MND1: variants seen among roughly 807,000 people sequenced by gnomAD.
MND1 encodes meiotic nuclear division protein 1 homolog.
In MND1, 28 loss-of-function variants were observed where a neutral mutation model predicts 35.1. The observed-to-expected ratio is 0.80, with a 90% confidence interval of 0.59 to 1.09. The LOEUF (loss-of-function observed/expected upper bound fraction) is 1.09. Ranked by LOEUF, MND1 falls within the 50% of genes least tolerant of loss-of-function variation. MND1 has a pLI of 0.00. For missense variants in MND1, 213 were observed against 239.6 expected (o/e 0.89, Z 0.73); for synonymous variants, 69 against 70.5 (o/e 0.98, Z 0.11).
At chr4:153,349,982 A>G in intron 1 of MND1, 82 bp from the exon 2 acceptor site, 1 of 965,710 alleles carries the variant, frequency 1.0e-6, no homozygotes, top group Non-Finnish European at 1.6e-6. Flanking sequence ...AAGACCATGC[A>G]TAAAATTTCA....
chr4:153,374,409 G>A (rs1012795156), intron 4 of MND1, among the ~76,000 whole-genome samples: 2 of 152,136 alleles, frequency 1.3e-5, no homozygotes, highest in Non-Finnish European at 2.9e-5. Context: ...TGAGTGAAAA[G>A]TAATACATGC....
intron 4 of MND1, among the ~76,000 whole-genome samples, chr4:153,365,182 C>T (rs953961754): frequency 7.3e-5 from 11 of 151,566 alleles, no homozygotes; most frequent in Non-Finnish European, 1.3e-4. Context: ...GGTCACGTGT[C>T]CACACTCTAG....
At chr4:153,404,174 C>CTTTTTTTT (rs71598277) in intron 6 of MND1, among the ~76,000 whole-genome samples, 1 of 73,786 alleles carries the variant, frequency 1.4e-5, no homozygotes, top group Non-Finnish European at 2.5e-5. Context: ...AAAATTGGTT[C>CTTTTTTTT]TTTTTTTTTT....
intron 6 of MND1, among the ~76,000 whole-genome samples, chr4:153,405,987 T>C (rs2149658578): frequency 6.6e-6 from 1 of 151,912 alleles, no homozygotes; most frequent in East Asian, 2.0e-4. Context: ...ACATTTTTAG[T>C]AGAGAGGGAG....
chr4:153,406,200 A>G (rs1260877670), intron 6 of MND1, among the ~76,000 whole-genome samples: 1 of 152,130 alleles, frequency 6.6e-6, no homozygotes, highest in Non-Finnish European at 1.5e-5. Context: ...GACTTCATCA[A>G]AGTTAAAAAG....
chr4:153,393,499 T>A (rs574671285), intron 4 of MND1, among the ~76,000 whole-genome samples: 38 of 151,800 alleles, frequency 2.5e-4, no homozygotes, highest in African/African-American at 9.2e-4. Flanking sequence ...ACACCTCAGC[T>A]TCCCGAGTAG....
At chr4:153,365,242 G>A (rs115774435) in intron 4 of MND1, among the ~76,000 whole-genome samples, 86 of 152,344 alleles carry the variant, frequency 5.6e-4, no homozygotes, top group African/African-American at 2.0e-3. Flanking sequence ...AGATTTTGTA[G>A]TAGGAGTTAG....
intron 4 of MND1, among the ~76,000 whole-genome samples, chr4:153,390,539 A>C (rs774184523): frequency 6.6e-6 from 1 of 152,152 alleles, no homozygotes; most frequent in Non-Finnish European, 1.5e-5. Flanking sequence ...AAGACTCTTA[A>C]TTAATATAGT....
At chr4:153,399,889 GATTTT>G (rs1729298246) in intron 6 of MND1, among the ~76,000 whole-genome samples, 1 of 123,682 alleles carries the variant, frequency 8.1e-6, no homozygotes, top group African/African-American at 2.9e-5. Flanking sequence ...TTTTCAGTGA[GATTTT>G]TTTTTTTTTT....
intron 6 of MND1, among the ~76,000 whole-genome samples, chr4:153,403,711 G>A (rs138679599): frequency 1.1e-4 from 17 of 151,860 alleles, no homozygotes; most frequent in East Asian, 3.9e-4. Context: ...AGTGATTCTC[G>A]TGCCTCAGCC....
Position 153,354,494 on chromosome 4 carries a change from G to A in MND1, c.70-1160G>A, listed in dbSNP as rs185735265. 7.2e-5 allele frequency among the ~76,000 whole-genome samples: 11 copies of A among 152,058 alleles called. 1 individual carries two copies. Among genetic ancestry groups the A allele is most frequent in the Admixed American group, 7.2e-4 (11 of 15,256 alleles). The stretch of plus-strand genomic sequence containing the variant: ...ATGGTGGTTTTTTGTTATTGTTTTT[G>A]TTTTGTTTTGTTTTGTTTTTTGAGA... On this transcript the variant is annotated intron_variant, in intron 2 of 7. Transcript: ENST00000240488.
Position 153,347,300 on chromosome 4 carries a change from C to A in MND1, c.3+2560C>A, listed in dbSNP as rs190570383. 6.6e-5 allele frequency among the ~76,000 whole-genome samples: 10 copies of A among 152,306 alleles called. No homozygotes were observed. In the East Asian group the frequency reaches 1.7e-3, roughly 26 times the overall value. ...TCAGCCCTAGGTTTAGTGAGCAGAT[C>A]TGTATGGGTTCCTGGAGTTTGCCTA... On this transcript the variant is annotated intron_variant, in intron 1 of 7. Transcript: ENST00000240488.
Position 153,381,688 on chromosome 4 carries a change from ATATATTTTTTTTTTTTTTT to A in MND1, c.277-12572_277-12554del, listed in dbSNP as rs1478349507. On this transcript the variant is annotated intron_variant, in intron 4 of 7. Coordinates refer to ENST00000240488, the MANE Select transcript of MND1 (RefSeq NM_032117.4). ...ATATAATATATATATATATATATAT[ATATATTTTTTTTTTTTTTT>A]TTTTTTTTTTTTTTTTAAGAGATAG... 6 of 24,436 alleles carry A rather than the reference ATATATTTTTTTTTTTTTTT, an allele frequency of 2.5e-4. 1 individual carries two copies. In the South Asian group the frequency reaches 5.0e-3, roughly 20 times the overall value. 1.5% of individuals were successfully genotyped at this position (24,436 alleles called of 1,614,324 possible).
intron 4 of MND1, among the ~76,000 whole-genome samples, chr4:153,382,894 T>A (rs1330968820): frequency 1.3e-5 from 2 of 152,180 alleles, no homozygotes; most frequent in Non-Finnish European, 2.9e-5. Flanking sequence ...CTGAATCAAG[T>A]ATGAGAAACT....
At chr4:153,377,141 C>T (rs1168023240) in intron 4 of MND1, among the ~76,000 whole-genome samples, 1 of 152,106 alleles carries the variant, frequency 6.6e-6, no homozygotes, top group Non-Finnish European at 1.5e-5. Flanking sequence ...CCACTTGTTG[C>T]CACTGGAAGG....
chr4:153,393,919 G>GTTTTTTTTT (rs1360869360), intron 4 of MND1, among the ~76,000 whole-genome samples: 10 of 55,556 alleles, frequency 1.8e-4, no homozygotes, highest in African/African-American at 2.4e-4. Context: ...GTTTGACTTT[G>GTTTTTTTTT]TTTTCTTTTT....
At chr4:153,408,752 C>T (rs559527542) in intron 6 of MND1, among the ~76,000 whole-genome samples, 3 of 151,954 alleles carry the variant, frequency 2.0e-5, no homozygotes, top group East Asian at 3.9e-4. Context: ...AATACTACTG[C>T]AACTCCCTAA....
intron 2 of MND1, among the ~76,000 whole-genome samples, chr4:153,351,860 CAA>C (rs1773223696): frequency 6.6e-6 from 1 of 152,070 alleles, no homozygotes; most frequent in African/African-American, 2.4e-5. Context: ...ATATAAAAAA[CAA>C]GACATGATGA....
intron 4 of MND1, among the ~76,000 whole-genome samples, chr4:153,384,694 T>C (rs1268053872): frequency 6.6e-6 from 1 of 152,154 alleles, no homozygotes; most frequent in African/African-American, 2.4e-5. Context: ...CACATTGTAA[T>C]TGATTGTGGT....
Sources: gnomAD v4.1 joint callset for allele counts (sites outside exome capture counted in the v4.1 genomes callset) on GRCh38, gnomAD v4.1.1 for gene constraint, MANE v1.5 for transcripts, NCBI Gene and HGNC (gene_info 2026-07-23, HGNC 2026-07-21) for gene names.